MTURN: variants seen among roughly 807,000 people sequenced by gnomAD.
The protein encoded by MTURN is maturin, neural progenitor differentiation regulator homolog, also known as maturin.
In MTURN, 7 loss-of-function variants were observed where a neutral mutation model predicts 14.9. The observed-to-expected ratio is 0.47, with a 90% CI of 0.27 to 0.88. MTURN has a LOEUF of 0.88. MTURN is among the 40% of genes least tolerant of loss of function. MTURN has a pLI of 0.14. For missense variants in MTURN, 151 were observed against 174.1 expected (o/e 0.87, Z 0.75); for synonymous variants, 69 against 72.5 (o/e 0.95, Z 0.25).
In MTURN at chr7:30,157,573, G is replaced by T; in HGVS notation, c.*25G>T. 6.4e-7 allele frequency: 1 copy of T among 1,563,052 alleles called. No individual in the cohort carries two copies. The highest frequency in any genetic ancestry group is 1.2e-5 in the South Asian group (1 of 84,532). ...AATCTGGGGGCTCCCCTGAGAAGGAGAGTGAGCCCCACAGTAACCTAGGTG... is the reference window on the plus strand; with the variant it reads ...AATCTGGGGGCTCCCCTGAGAAGGATAGTGAGCCCCACAGTAACCTAGGTG... On this transcript the variant is annotated 3_prime_UTR_variant, in exon 3 of 3. Transcript: ENST00000324453.
intron 2 of MTURN, 70 bp downstream of exon 2, chr7:30,146,369 G>A: frequency 6.3e-7 from 1 of 1,590,336 alleles, no homozygotes; most frequent in Non-Finnish European, 8.6e-7. Flanking sequence ...AACAGGGGCG[G>A]TGGGGAAGGT....
intron 2 of MTURN, among the ~76,000 whole-genome samples, chr7:30,155,299 A>T (rs1797270547): frequency 6.6e-6 from 1 of 152,130 alleles, no homozygotes; most frequent in Non-Finnish European, 1.5e-5. Context: ...GTAATTTTGG[A>T]GTTCCTGGTG....
At chr7:30,144,560 G>C (rs1047404444) in intron 1 of MTURN, among the ~76,000 whole-genome samples, 2 of 152,320 alleles carry the variant, frequency 1.3e-5, no homozygotes, top group Non-Finnish European at 1.5e-5. Context: ...GCTAAAGCTA[G>C]AGAGCCCAGA....
chr7:30,156,313 C>T (rs1303102032), intron 2 of MTURN, among the ~76,000 whole-genome samples: 2 of 151,944 alleles, frequency 1.3e-5, no homozygotes, highest in African/African-American at 4.8e-5. Context: ...TTAAAAAAAA[C>T]CTTAAAATTG....
chr7:30,142,456 A>G (rs1374391807), intron 1 of MTURN, among the ~76,000 whole-genome samples: 1 of 152,152 alleles, frequency 6.6e-6, no homozygotes, highest in African/African-American at 2.4e-5. Flanking sequence ...CCCCCTTCAA[A>G]TATGTAGTTA....
At chr7:30,142,382 TAGTC>T (rs1263463784) in intron 1 of MTURN, among the ~76,000 whole-genome samples, 21 of 152,138 alleles carry the variant, frequency 1.4e-4, no homozygotes, top group African/African-American at 4.8e-4. Flanking sequence ...GAGCTGGCTA[TAGTC>T]AGTAATGGCA....
At chr7:30,140,081 G>A (rs1797025168) in intron 1 of MTURN, among the ~76,000 whole-genome samples, 1 of 152,142 alleles carries the variant, frequency 6.6e-6, no homozygotes, top group Admixed American at 6.5e-5. Flanking sequence ...TAAACAGAGG[G>A]GCACTCCTAG....
Position 30,157,847 on chromosome 7 carries a change from G to A in MTURN, c.*299G>A, listed in dbSNP as rs758266922. The A allele has an allele frequency of 2.1e-4, 38 of 185,180 alleles. No individual in the cohort carries two copies. Among genetic ancestry groups the A allele is most frequent in the Admixed American group, 5.0e-4 (8 of 15,992 alleles). 11.5% of individuals were successfully genotyped at this position (185,180 alleles called of 1,614,324 possible). On this transcript the variant is annotated 3_prime_UTR_variant, in exon 3 of 3. Transcript: ENST00000324453. ...TGACTATTCTCTTAAGTTTATGTTG[G>A]AGAATTAACATTCGCTGACTCGAAT...
chr7:30,145,531 G>A lies in MTURN; in HGVS notation c.163-646G>A, dbSNP rs759131324. On this transcript the variant is annotated intron_variant, in intron 1 of 2. Transcript: ENST00000324453. ...AAAAAGAAACAAAAAATCTAAAACCGATCTCCTCTTAGTATGTGTTAGATT... is the reference window on the plus strand; with the variant it reads ...AAAAAGAAACAAAAAATCTAAAACCAATCTCCTCTTAGTATGTGTTAGATT... Among the ~76,000 whole-genome samples the A allele has an allele frequency of 2.9e-4, 44 of 152,232 alleles. No homozygotes were observed. In the Middle Eastern group the frequency reaches 0.017, roughly 59 times the overall value.
At chr7:30,153,335 A>T (rs1002237616) in intron 2 of MTURN, among the ~76,000 whole-genome samples, 1 of 152,168 alleles carries the variant, frequency 6.6e-6, no homozygotes, top group Middle Eastern at 3.2e-3. Flanking sequence ...GGTGCTTTCT[A>T]TCCATGCTTC....
Position 30,134,993 on chromosome 7 carries a change from A to C in MTURN, c.-144A>C. On this transcript the variant is annotated 5_prime_UTR_variant, in exon 1 of 3. Transcript: ENST00000324453. ...CCGGCCGCCGCCCGCCCCACTCCGC[A>C]CCGCATGTAAACAGTCCCAGCCGGC... The C allele has an allele frequency of 1.7e-6, 1 of 590,890 alleles. No individual in the cohort carries two copies. The highest frequency in any genetic ancestry group is 2.2e-6 in the Non-Finnish European group (1 of 464,640). 36.6% of individuals were successfully genotyped at this position (590,890 alleles called of 1,614,324 possible). A position where few individuals can be genotyped will look rare whatever the true frequency, so the allele number is the denominator to read the frequency against.
At chr7:30,151,905 T>C (rs987552603) in intron 2 of MTURN, among the ~76,000 whole-genome samples, 3 of 152,192 alleles carry the variant, frequency 2.0e-5, no homozygotes, top group African/African-American at 7.2e-5. Flanking sequence ...AAGATTGATA[T>C]TTTCAGTTTG....
At chr7:30,140,542 G>A (rs1420778983) in intron 1 of MTURN, among the ~76,000 whole-genome samples, 1 of 152,074 alleles carries the variant, frequency 6.6e-6, no homozygotes, top group East Asian at 1.9e-4. Flanking sequence ...TGCTGGTATA[G>A]TGGAGAGAAA....
chr7:30,157,458 A>G lies in MTURN; in HGVS notation c.306A>G (p.Ala102=), dbSNP rs561525372. ...TGTAGTTACTGGGGCTTCCGGATGC[A>G]GATGACGATGCGTTTGAAGAGTACA... ...SFRPLLGLPD[A]DDDAFEEYSA... is the part of the protein sequence containing the mutation. Residue 102 remains alanine (A), a synonymous_variant, in exon 3 of 3, where the codon GCA becomes GCG. Coordinates refer to ENST00000324453, the MANE Select transcript of MTURN (RefSeq NM_152793.3). The G allele has an allele frequency of 6.2e-7, 1 of 1,601,926 alleles. No homozygotes were observed. Among genetic ancestry groups the G allele is most frequent in the Non-Finnish European group, 8.5e-7 (1 of 1,174,982 alleles).
At chr7:30,157,378 C>A in intron 2 of MTURN, 60 bp from the exon 3 acceptor site, 1 of 1,447,404 alleles carries the variant, frequency 6.9e-7, no homozygotes, top group Non-Finnish European at 9.3e-7. Context: ...CTTTGGTTGT[C>A]TTCCTGCCTG....
rs1300074846 is a variant in MTURN, at chr7:30,146,576, T to A, written c.285+277T>A. Among the ~76,000 whole-genome samples, 4 of 152,282 alleles carry A rather than the reference T, an allele frequency of 2.6e-5. No individual in the cohort carries two copies. The East Asian group carries it at 7.7e-4, about 29-fold the overall frequency. On this transcript the variant is annotated intron_variant, in intron 2 of 2. Transcript: ENST00000324453. ...GGGGGGGAAGCAAACAGATCCTTTA[T>A]GAGACAACTGAGTGTTCCTGTTCTC...
At chr7:30,155,522 G>A (rs1181395015) in intron 2 of MTURN, among the ~76,000 whole-genome samples, 2 of 152,246 alleles carry the variant, frequency 1.3e-5, no homozygotes, top group South Asian at 2.1e-4. Context: ...GACAGGAGCC[G>A]GAAAAAGAGA....
chr7:30,157,580 C>A lies in MTURN; in HGVS notation c.*32C>A. 6.5e-7 allele frequency: 1 copy of A among 1,537,874 alleles called. No homozygotes were observed. The highest frequency in any genetic ancestry group is 8.8e-7 in the Non-Finnish European group (1 of 1,138,918). ...GGGCTCCCCTGAGAAGGAGAGTGAG[C>A]CCCACAGTAACCTAGGTGGGGTCAC... On this transcript the variant is annotated 3_prime_UTR_variant, in exon 3 of 3. Coordinates refer to ENST00000324453, the MANE Select transcript of MTURN (RefSeq NM_152793.3).
Position 30,157,645 on chromosome 7 carries a change from A to G in MTURN, c.*97A>G, listed in dbSNP as rs1316743993. ...TAGCATTTTGCATTAGCACTTCGAA[A>G]TAGGACATCTGGCTCCCAGCATCCA... On this transcript the variant is annotated 3_prime_UTR_variant, in exon 3 of 3. Coordinates refer to ENST00000324453, the MANE Select transcript of MTURN (RefSeq NM_152793.3). The G allele has an allele frequency of 1.3e-6, 1 of 744,000 alleles. No homozygotes were observed. Among genetic ancestry groups the G allele is most frequent in the East Asian group, 3.0e-5 (1 of 33,066 alleles). The allele number at this position is 744,000 out of a possible 1,614,324, so 46.1% of individuals were successfully genotyped here.
Sources: allele counts gnomAD v4.1 joint callset (sites outside exome capture counted in the v4.1 genomes callset), GRCh38; gene constraint gnomAD v4.1.1; transcripts MANE v1.5; gene names NCBI Gene and HGNC (gene_info 2026-07-23, HGNC 2026-07-21).